SLC8A1: variants seen among roughly 807,000 people sequenced by gnomAD.
The protein encoded by SLC8A1 is sodium/calcium exchanger 1.
Under a neutral mutation model 68.3 loss-of-function variants are expected in SLC8A1, and 18 were observed. The observed-to-expected ratio is 0.26, with a 90% confidence interval of 0.18 to 0.39. SLC8A1 has a LOEUF of 0.39. Among genes scored for constraint, SLC8A1 ranks in the 10% least tolerant of loss-of-function variants. The pLI is 1.00. For missense variants in SLC8A1, 985 were observed against 1,156.7 expected, an observed-to-expected ratio of 0.85 and a Z score of 2.15; for synonymous variants, 475 against 415.5, an observed-to-expected ratio of 1.14 and a Z score of -1.74.
intron 4 of SLC8A1, among the ~76,000 whole-genome samples, chr2:40,167,162 C>G (rs1458102810): frequency 1.3e-5 from 2 of 152,134 alleles, no homozygotes; most frequent in African/African-American, 2.4e-5. Flanking sequence ...TGAAAAGGTT[C>G]TTTCTTTTCC....
chr2:40,469,528 T>G (rs748256135), intron 1 of SLC8A1, among the ~76,000 whole-genome samples: 6 of 152,192 alleles, frequency 3.9e-5, no homozygotes, highest in Non-Finnish European at 5.9e-5. Context: ...TAGTTCCTAA[T>G]AGCAATGTGA....
At chr2:40,228,231 A>T (rs956585647) in intron 2 of SLC8A1, among the ~76,000 whole-genome samples, 1 of 152,200 alleles carries the variant, frequency 6.6e-6, no homozygotes, top group African/African-American at 2.4e-5. Context: ...TCATATACAT[A>T]ATATTTTTCC....
chr2:40,099,209 CT>C (rs1238103454), exon 8 of SLC8A1: 4 of 151,984 alleles, frequency 2.6e-5, no homozygotes, highest in African/African-American at 9.7e-5. Flanking sequence ...CTGAAACACA[CT>C]GAAAGAATGT....
In SLC8A1 at chr2:40,485,473, T is replaced by G. The variant is rs996107161; in HGVS notation, c.-25+26876A>C. Among the ~76,000 whole-genome samples, 3 of 152,198 alleles carry G rather than the reference T, an allele frequency of 2.0e-5. No homozygotes were observed. In the South Asian group the frequency reaches 6.2e-4, roughly 32 times the overall value. Reference sequence around the variant, plus strand: ...GCTATTCTTTTAAGACTATTCCCTATGTCTCTTGCTTGCTCAACTGCCAGT... The same window carrying G: ...GCTATTCTTTTAAGACTATTCCCTAGGTCTCTTGCTTGCTCAACTGCCAGT... On this transcript the variant is annotated intron_variant, in intron 1 of 7. Coordinates refer to the SLC8A1 transcript ENST00000402441.
rs567660771 is a variant in SLC8A1 at position 40,237,318 on chromosome 2, T to C, written c.1809-59463A>G. On this transcript the variant is annotated intron_variant, in intron 2 of 7. Coordinates refer to ENST00000406785, the Ensembl canonical transcript of SLC8A1. ...TTTGCTCATTTCTTTTTATTCTTTT[T>C]TCTCTAAACTTCCCTTCTCACTTCA... 1.6e-3 allele frequency among the ~76,000 whole-genome samples: 247 copies of C among 152,198 alleles called. 2 individuals carry two copies. Among genetic ancestry groups the C allele is most frequent in the African/African-American group, 5.7e-3 (235 of 41,556 alleles).
chr2:40,278,063 ATTTT>A (rs992201551), intron 2 of SLC8A1, among the ~76,000 whole-genome samples: 17 of 151,864 alleles, frequency 1.1e-4, no homozygotes, highest in African/African-American at 4.1e-4. Context: ...TGACTGAATA[ATTTT>A]TTTGTTTTTA....
chr2:40,253,018 T>G (rs62640439), intron 2 of SLC8A1, among the ~76,000 whole-genome samples: 35,389 of 97,798 alleles, frequency 0.36, 5,714 homozygotes, highest in Non-Finnish European at 0.51. Flanking sequence ...TGTATCTGTA[T>G]ATATGTATAT....
chr2:40,256,773 C>T (rs1396726357), intron 2 of SLC8A1, among the ~76,000 whole-genome samples: 5 of 152,170 alleles, frequency 3.3e-5, no homozygotes, highest in Non-Finnish European at 7.3e-5. Context: ...TTTAGGCCTG[C>T]AGGATGCCTG....
intron 2 of SLC8A1, among the ~76,000 whole-genome samples, chr2:40,364,517 TTG>T (rs1553538025): frequency 3.0e-5 from 4 of 134,064 alleles, no homozygotes; most frequent in African/African-American, 8.8e-5. Flanking sequence ...TCCTTTTTTT[TTG>T]TTGTTGTTCT....
intron 2 of SLC8A1, among the ~76,000 whole-genome samples, chr2:40,372,268 G>T (rs1678343854): frequency 6.6e-6 from 1 of 151,980 alleles, no homozygotes; most frequent in Admixed American, 6.6e-5. Flanking sequence ...AAAAGAAGAG[G>T]GGGAGAAAAA....
chr2:40,259,406 T>C (rs1428274732), intron 2 of SLC8A1, among the ~76,000 whole-genome samples: 1 of 152,218 alleles, frequency 6.6e-6, no homozygotes, highest in African/African-American at 2.4e-5. Flanking sequence ...AAAGGTAATA[T>C]CTTTTAATCC....
At chr2:40,407,935 C>A (rs142531765) in intron 2 of SLC8A1, among the ~76,000 whole-genome samples, 1 of 152,324 alleles carries the variant, frequency 6.6e-6, no homozygotes, top group African/African-American at 2.4e-5. Flanking sequence ...GTGACTGTAA[C>A]TACTAACCAG....
chr2:40,423,878 T>C (rs1415572445), intron 2 of SLC8A1, among the ~76,000 whole-genome samples: 1 of 151,786 alleles, frequency 6.6e-6, no homozygotes, highest in Non-Finnish European at 1.5e-5. Flanking sequence ...ATAATTTAGG[T>C]TTGCAGATGA....
At chr2:40,510,146 A>T (rs1162750277) in intron 1 of SLC8A1, among the ~76,000 whole-genome samples, 1 of 151,926 alleles carries the variant, frequency 6.6e-6, no homozygotes, top group Non-Finnish European at 1.5e-5. Context: ...TTATTTATTT[A>T]TTATTTTTTT....
chr2:40,142,548 T>G (rs13389504), intron 6 of SLC8A1, among the ~76,000 whole-genome samples: 27,395 of 152,182 alleles, frequency 0.18, 3,051 homozygotes, highest in East Asian at 0.45. Flanking sequence ...ATGCTGCCTT[T>G]TCTCTACAAA....
intron 7 of SLC8A1, among the ~76,000 whole-genome samples, chr2:40,127,250 C>T (rs2038311352): frequency 6.6e-6 from 1 of 152,154 alleles, no homozygotes. Context: ...TCTTTACTCT[C>T]AGGATAAGAA....
chr2:40,308,888 A>G (rs190970296), intron 2 of SLC8A1, among the ~76,000 whole-genome samples: 5 of 152,296 alleles, frequency 3.3e-5, no homozygotes, highest in Admixed American at 3.3e-4. Flanking sequence ...CATTTAGAGA[A>G]GACAGAGCAT....
At chr2:40,313,663 A>G (rs1360526329) in intron 2 of SLC8A1, among the ~76,000 whole-genome samples, 3 of 151,974 alleles carry the variant, frequency 2.0e-5, no homozygotes, top group Non-Finnish European at 4.4e-5. Flanking sequence ...TCGGCCTCCC[A>G]AAATGTTGGG....
At chr2:40,445,078 G>A (rs990544513) in intron 1 of SLC8A1, among the ~76,000 whole-genome samples, 1 of 152,160 alleles carries the variant, frequency 6.6e-6, no homozygotes. Context: ...CCATGTGTCA[G>A]AAACTGTTCC....
Sources: allele counts gnomAD v4.1 joint callset (sites outside exome capture counted in the v4.1 genomes callset), GRCh38; gene constraint gnomAD v4.1.1; transcripts MANE v1.5; gene names NCBI Gene and HGNC (gene_info 2026-07-23, HGNC 2026-07-21).